Variants in PBX3 observed in about 807,000 individuals in gnomAD.
PBX3 encodes PBX homeobox 3, also known as pre-B-cell leukemia transcription factor 3.
Under a neutral mutation model 48.5 loss-of-function variants are expected in PBX3, and 14 were observed. The ratio of observed to expected loss-of-function variants is 0.29; its 90% confidence interval spans 0.19 to 0.45. The LOEUF (loss-of-function observed/expected upper bound fraction) is 0.45, where lower values mean the gene tolerates loss of function less well. Among genes scored for constraint, PBX3 ranks in the 20% least tolerant of loss-of-function variants. PBX3 has a pLI of 1.00. For missense variants in PBX3, 386 were observed against 546.7 expected, an observed-to-expected ratio of 0.71 and a Z score of 2.93; for synonymous variants, 210 against 200.3, an observed-to-expected ratio of 1.05 and a Z score of -0.41.
chr9:125,810,944 T>C (rs1022386854), intron 2 of PBX3, among the ~76,000 whole-genome samples: 1 of 152,154 alleles, frequency 6.6e-6, no homozygotes, highest in African/African-American at 2.4e-5. Context: ...TCCATGAGGA[T>C]TTGGTTATTA....
intron 6 of PBX3, 96 bp downstream of exon 6, chr9:125,960,945 AG>A: frequency 6.3e-6 from 1 of 158,370 alleles, no homozygotes; most frequent in Non-Finnish European, 1.1e-5. Context: ...TACTGAGGAC[AG>A]AGTGGACTTA....
Position 125,830,488 on chromosome 9 carries a change from G to A in PBX3, c.274+81865G>A, listed in dbSNP as rs117074724. On this transcript the variant is annotated intron_variant, in intron 2 of 8. Transcript: ENST00000373489. ...AGTAATAGAAAAGTACTTATTTATA[G>A]GTGTTTTATATTTGTGTATCATATG... Among the ~76,000 whole-genome samples, 9 of 152,120 alleles carry A rather than the reference G, an allele frequency of 5.9e-5. No homozygotes were observed. In the East Asian group the frequency reaches 1.7e-3, roughly 29 times the overall value.
At chr9:125,754,701 T>C (rs757718880) in intron 2 of PBX3, among the ~76,000 whole-genome samples, 7 of 152,082 alleles carry the variant, frequency 4.6e-5, no homozygotes, top group African/African-American at 1.4e-4. Flanking sequence ...TTCATAGATA[T>C]ATTCCATAGT....
intron 3 of PBX3, among the ~76,000 whole-genome samples, chr9:125,925,775 A>G (rs1283595954): frequency 2.0e-5 from 3 of 152,242 alleles, no homozygotes; most frequent in African/African-American, 7.2e-5. Context: ...AAAATTTAAT[A>G]TGTGGCTCAC....
At chr9:125,883,005 GAAA>G (rs1840416914) in intron 2 of PBX3, among the ~76,000 whole-genome samples, 11 of 152,114 alleles carry the variant, frequency 7.2e-5, no homozygotes, top group African/African-American at 1.7e-4. Context: ...GTAACAAAAT[GAAA>G]ATGTTTCATA....
intron 2 of PBX3, among the ~76,000 whole-genome samples, chr9:125,857,949 A>C (rs1286682496): frequency 6.6e-6 from 1 of 152,224 alleles, no homozygotes; most frequent in Non-Finnish European, 1.5e-5. Context: ...AAAAAGATGT[A>C]GTCAATTGGA....
intron 2 of PBX3, among the ~76,000 whole-genome samples, chr9:125,897,037 T>A (rs891923748): frequency 1.3e-5 from 2 of 151,380 alleles, no homozygotes; most frequent in South Asian, 2.1e-4. Flanking sequence ...TAGTTAAATA[T>A]ATATCTAAAT....
At chr9:125,782,514 G>A (rs1395988743) in intron 2 of PBX3, among the ~76,000 whole-genome samples, 1 of 152,062 alleles carries the variant, frequency 6.6e-6, no homozygotes, top group East Asian at 1.9e-4. Context: ...TTTTATACGT[G>A]TGTGCTCATT....
chr9:125,832,881 T>C (rs1588197537), intron 2 of PBX3, among the ~76,000 whole-genome samples: 1 of 152,276 alleles, frequency 6.6e-6, no homozygotes, highest in East Asian at 1.9e-4. Context: ...AATTCCAGGG[T>C]TTAGGAGGGA....
chr9:125,791,440 GA>G (rs1837606434), intron 2 of PBX3, among the ~76,000 whole-genome samples: 1 of 152,082 alleles, frequency 6.6e-6, no homozygotes, highest in Non-Finnish European at 1.5e-5. Flanking sequence ...AATGTTGGAG[GA>G]GGGGCTTGGT....
chr9:125,749,578 G>A (rs1423101369), intron 2 of PBX3: 4 of 88,752 alleles, frequency 4.5e-5, no homozygotes, highest in Non-Finnish European at 7.2e-5. Flanking sequence ...TTTTTTTTTT[G>A]GTGTGTGTTG....
intron 2 of PBX3, among the ~76,000 whole-genome samples, chr9:125,872,474 T>C (rs889664307): frequency 7.2e-5 from 11 of 152,106 alleles, no homozygotes; most frequent in African/African-American, 2.2e-4. Context: ...CTATGTGATA[T>C]CAGATAAAGT....
chr9:125,788,738 G>A (rs143564664), intron 2 of PBX3, among the ~76,000 whole-genome samples: 1 of 152,128 alleles, frequency 6.6e-6, no homozygotes, highest in Non-Finnish European at 1.5e-5. Flanking sequence ...AGCTGGTTGC[G>A]GCAGCATGCG....
At chr9:125,956,528 C>T (rs905873510) in intron 5 of PBX3, among the ~76,000 whole-genome samples, 13 of 152,200 alleles carry the variant, frequency 8.5e-5, no homozygotes, top group African/African-American at 2.9e-4. Flanking sequence ...AGATCCCTTT[C>T]AGGCTGCTCC....
At chr9:125,875,540 C>A (rs891674461) in intron 2 of PBX3, among the ~76,000 whole-genome samples, 2 of 152,052 alleles carry the variant, frequency 1.3e-5, no homozygotes, top group African/African-American at 4.8e-5. Context: ...TTTAAGAGAA[C>A]GAGTGCAGAG....
chr9:125,835,911 G>A (rs377439212), intron 2 of PBX3, among the ~76,000 whole-genome samples: 23 of 152,144 alleles, frequency 1.5e-4, no homozygotes, highest in African/African-American at 5.1e-4. Context: ...GTTTATTGCA[G>A]CACTATTCAA....
chr9:125,924,830 A>G (rs901977594), intron 3 of PBX3, among the ~76,000 whole-genome samples: 1 of 152,244 alleles, frequency 6.6e-6, no homozygotes, highest in African/African-American at 2.4e-5. Flanking sequence ...TTTAATTGGC[A>G]TAATTCTGTC....
chr9:125,897,958 C>T (rs995824589), intron 2 of PBX3, among the ~76,000 whole-genome samples: 1 of 151,764 alleles, frequency 6.6e-6, no homozygotes, highest in East Asian at 1.9e-4. Flanking sequence ...TGAAGAATTA[C>T]CCAATATACT....
chr9:125,928,957 T>C (rs1588306527), intron 3 of PBX3, among the ~76,000 whole-genome samples: 1 of 152,212 alleles, frequency 6.6e-6, no homozygotes, highest in Non-Finnish European at 1.5e-5. Flanking sequence ...ACCTGAATCC[T>C]TTTGCTTCTT....
Sources: gnomAD v4.1 joint callset for allele counts (sites outside exome capture counted in the v4.1 genomes callset) on GRCh38, gnomAD v4.1.1 for gene constraint, MANE v1.5 for transcripts, NCBI Gene and HGNC (gene_info 2026-07-23, HGNC 2026-07-21) for gene names.